Variants in TTC33 observed in about 807,000 individuals in gnomAD.
TTC33 encodes tetratricopeptide repeat protein 33.
TTC33 carries 24 observed loss-of-function variants against 29.4 expected under a neutral mutation model. That is an observed-to-expected ratio of 0.82 (90% confidence interval 0.59 to 1.15). TTC33 has a LOEUF of 1.15. Ranked by LOEUF, TTC33 falls within the 50% of genes most tolerant of loss-of-function variation. The pLI is 0.00. For synonymous variants in TTC33, 107 were observed against 100.3 expected (o/e 1.07, Z -0.40); for missense variants, 286 against 310.4 (o/e 0.92, Z 0.59).
At chr5:40,722,334 T>C (rs1365080042) in intron 4 of TTC33, among the ~76,000 whole-genome samples, 1 of 152,012 alleles carries the variant, frequency 6.6e-6, no homozygotes, top group African/African-American at 2.4e-5. Flanking sequence ...CCACCCCGTC[T>C]AGGAAGTGAG....
chr5:40,738,839 A>G (rs139989771), intron 2 of TTC33, among the ~76,000 whole-genome samples: 17 of 152,198 alleles, frequency 1.1e-4, no homozygotes, highest in South Asian at 2.1e-4. Context: ...GGTCATTCAT[A>G]TATTTTCTTT....
intron 2 of TTC33, among the ~76,000 whole-genome samples, chr5:40,734,677 T>G (rs939561686): frequency 6.6e-6 from 1 of 152,234 alleles, no homozygotes; most frequent in Non-Finnish European, 1.5e-5. Context: ...ATGAGCTATA[T>G]AGTTAACAGC....
intron 1 of TTC33, among the ~76,000 whole-genome samples, chr5:40,754,203 G>C (rs951053160): frequency 6.6e-5 from 10 of 152,200 alleles, no homozygotes; most frequent in Admixed American, 1.3e-4. Flanking sequence ...TTGAGACCTA[G>C]AGATCAGGGG....
At chr5:40,739,212 T>A (rs542074841) in intron 2 of TTC33, among the ~76,000 whole-genome samples, 5 of 152,362 alleles carry the variant, frequency 3.3e-5, no homozygotes, top group East Asian at 1.9e-4. Flanking sequence ...TTTTATTTCA[T>A]AAAATTCTTT....
intron 1 of TTC33, among the ~76,000 whole-genome samples, chr5:40,755,600 A>C (rs912107640): frequency 6.6e-6 from 1 of 152,154 alleles, no homozygotes; most frequent in African/African-American, 2.4e-5. Context: ...TTGTCCCTGG[A>C]GACCAACCCT....
rs533251997 is a variant in TTC33 at position 40,714,974 on chromosome 5, T to C, written c.*1171A>G. 2.0e-5 allele frequency: 3 copies of C among 152,162 alleles called. No individual in the cohort carries two copies. In the South Asian group the frequency reaches 6.2e-4, roughly 32 times the overall value. The allele number at this position is 152,162 out of a possible 1,614,324, so 9.4% of individuals were successfully genotyped here. A position where few individuals can be genotyped will look rare whatever the true frequency, so the allele number is the denominator to read the frequency against. On this transcript the variant is annotated 3_prime_UTR_variant, in exon 5 of 5. Coordinates refer to ENST00000337702, the MANE Select transcript of TTC33 (RefSeq NM_012382.3). Reference sequence around the variant, plus strand: ...ATAGTATAAAAATAATAGTTCAGATTAGCAATGACAGTATTGGTTTGTGAA... The same window carrying C: ...ATAGTATAAAAATAATAGTTCAGATCAGCAATGACAGTATTGGTTTGTGAA...
chr5:40,731,813 A>G (rs1049681095), intron 2 of TTC33, among the ~76,000 whole-genome samples: 2 of 152,130 alleles, frequency 1.3e-5, no homozygotes, highest in African/African-American at 4.8e-5. Flanking sequence ...ACCAAGTTAA[A>G]ATGCTCCGTT....
intron 4 of TTC33, among the ~76,000 whole-genome samples, chr5:40,716,987 G>A (rs1002251721): frequency 6.6e-6 from 1 of 152,106 alleles, no homozygotes; most frequent in Non-Finnish European, 1.5e-5. Flanking sequence ...CCAGCACTTT[G>A]GGAGGCTGAG....
intron 2 of TTC33, among the ~76,000 whole-genome samples, chr5:40,739,768 T>C (rs1383677616): frequency 1.3e-5 from 2 of 152,236 alleles, no homozygotes; most frequent in Non-Finnish European, 2.9e-5. Context: ...GGTAGTTGTT[T>C]ATAGCAGTGT....
At chr5:40,725,442 T>TA (rs1742257963) in intron 4 of TTC33, among the ~76,000 whole-genome samples, 1 of 152,146 alleles carries the variant, frequency 6.6e-6, no homozygotes, top group Admixed American at 6.5e-5. Flanking sequence ...TGCAAAATAT[T>TA]AAAACCAATG....
At position 40,730,343 on chromosome 5, in the gene TTC33, T is replaced by C. The variant is rs1158693986; in HGVS notation, c.222A>G (p.Arg74=). 1 of 1,612,514 alleles carries C rather than the reference T, an allele frequency of 6.2e-7. No individual in the cohort carries two copies. Among genetic ancestry groups the C allele is most frequent in the Admixed American group, 1.7e-5 (1 of 59,956 alleles). ...CCCACTTCTGAATTGCCTCCCGATA[T>C]CTGTGGTTGTTAAAGTTATATCAAT... The part of the protein sequence containing the change: ...DEGASLAENK[R]YREAIQKWDE... The change falls in exon 3 of 5, where the codon AGA becomes AGG. Residue 74 remains arginine, a splice_region_variant and synonymous_variant. Transcript: ENST00000337702.
rs1005995593 is a variant in TTC33, at chr5:40,713,023, T to C, written c.*3122A>G. ...TTTATATATTTCAATATCTTATTAT[T>C]GGTAAGAAAAACTTAACTTTCTCAG... On this transcript the variant is annotated 3_prime_UTR_variant, in exon 5 of 5. Coordinates refer to ENST00000337702, the MANE Select transcript of TTC33 (RefSeq NM_012382.3). Among the ~76,000 whole-genome samples, 5 of 152,158 alleles carry C rather than the reference T, an allele frequency of 3.3e-5. No individual in the cohort carries two copies. The highest frequency in any genetic ancestry group is 1.2e-4 in the African/African-American group (5 of 41,442).
chr5:40,747,414 G>T (rs1431907604), intron 1 of TTC33, among the ~76,000 whole-genome samples: 2 of 152,050 alleles, frequency 1.3e-5, no homozygotes, highest in Non-Finnish European at 2.9e-5. Context: ...GAAATAACAG[G>T]ATTAGACTAT....
At chr5:40,751,322 A>G (rs76414128) in intron 1 of TTC33, among the ~76,000 whole-genome samples, 42 of 152,190 alleles carry the variant, frequency 2.8e-4, no homozygotes, top group Non-Finnish European at 5.1e-4. Context: ...TGCACTGTCA[A>G]TGAGCAGTAA....
chr5:40,727,990 T>G (rs1482295665), intron 4 of TTC33, among the ~76,000 whole-genome samples: 1 of 152,154 alleles, frequency 6.6e-6, no homozygotes, highest in East Asian at 1.9e-4. Flanking sequence ...ATCAAAAATA[T>G]GTCAAAATAG....
At chr5:40,729,790 C>A (rs1354317962) in intron 3 of TTC33, among the ~76,000 whole-genome samples, 1 of 152,154 alleles carries the variant, frequency 6.6e-6, no homozygotes. Flanking sequence ...CCTCCGCCTC[C>A]CACGTTCAAG....
chr5:40,731,596 T>C (rs941051755), intron 2 of TTC33, among the ~76,000 whole-genome samples: 1 of 152,156 alleles, frequency 6.6e-6, no homozygotes, highest in Non-Finnish European at 1.5e-5. Flanking sequence ...TATAAATCCA[T>C]AAGATCTCGT....
Position 40,737,954 on chromosome 5 carries a change from C to G in TTC33, c.222-7611G>C, listed in dbSNP as rs190686329. On this transcript the variant is annotated intron_variant, in intron 2 of 4. Transcript: ENST00000337702. ...ATACCACAATTTATTCATTCATTCA[C>G]CTGCTGATGAACATTTAGGTTGTCC... 4.6e-5 allele frequency among the ~76,000 whole-genome samples: 7 copies of G among 152,292 alleles called. No homozygotes were observed. The East Asian group carries it at 1.4e-3, about 29-fold the overall frequency.
At chr5:40,740,173 T>A (rs1408715894) in intron 2 of TTC33, among the ~76,000 whole-genome samples, 1 of 152,058 alleles carries the variant, frequency 6.6e-6, no homozygotes, top group Non-Finnish European at 1.5e-5. Context: ...GTCAATTATC[T>A]TTTTAAAGAA....
Sources: gnomAD v4.1 joint callset for allele counts (sites outside exome capture counted in the v4.1 genomes callset) on GRCh38, gnomAD v4.1.1 for gene constraint, MANE v1.5 for transcripts, NCBI Gene and HGNC (gene_info 2026-07-23, HGNC 2026-07-21) for gene names.